The following SUMF1 variants were observed in gnomAD, a reference collection of about 807,000 sequenced individuals.
SUMF1 encodes formylglycine-generating enzyme.
A neutral mutation model predicts 47.6 loss-of-function variants in SUMF1; 48 were observed. The ratio of observed to expected loss-of-function variants is 1.01; its 90% CI spans 0.80 to 1.28. SUMF1 has a LOEUF of 1.28. Among genes scored for constraint, SUMF1 ranks in the 50% most tolerant of loss-of-function variants. The probability of loss-of-function intolerance (pLI) is 0.00; values close to 1 mark genes in which losing one functional copy is unlikely to be tolerated. For missense variants in SUMF1, 571 were observed against 485.4 expected (o/e 1.18, Z -1.66); for synonymous variants, 230 against 192.1 (o/e 1.20, Z -1.63).
intron 8 of SUMF1, among the ~76,000 whole-genome samples, chr3:4,087,674 T>C (rs1426986743): frequency 6.6e-6 from 1 of 151,800 alleles, no homozygotes; most frequent in African/African-American, 2.4e-5. Flanking sequence ...CAGCCCCCAA[T>C]AGCAATCAAA....
At chr3:4,205,029 G>A in intron 8 of SUMF1, among the ~76,000 whole-genome samples, 1 of 152,126 alleles carries the variant, frequency 6.6e-6, no homozygotes, top group East Asian at 1.9e-4. Context: ...AGGCCTCTGA[G>A]CCCAAGCTAA....
At chr3:4,212,578 G>C (rs951046869) in intron 8 of SUMF1, among the ~76,000 whole-genome samples, 1 of 152,168 alleles carries the variant, frequency 6.6e-6, no homozygotes, top group Non-Finnish European at 1.5e-5. Context: ...ATTGACAGAA[G>C]TAAGCTTTAG....
chr3:4,253,869 C>A (rs921210765), intron 8 of SUMF1, among the ~76,000 whole-genome samples: 6 of 149,860 alleles, frequency 4.0e-5, no homozygotes, highest in Non-Finnish European at 8.9e-5. Flanking sequence ...CCCTGTCTGA[C>A]AGCTTTGAAG....
At chr3:4,213,664 T>C (rs941281829) in intron 8 of SUMF1, among the ~76,000 whole-genome samples, 5 of 152,046 alleles carry the variant, frequency 3.3e-5, no homozygotes, top group East Asian at 3.9e-4. Context: ...TTCAGGAGGC[T>C]CATCTCATGT....
intron 8 of SUMF1, among the ~76,000 whole-genome samples, chr3:4,246,109 A>G (rs986331595): frequency 7.2e-5 from 11 of 152,176 alleles, no homozygotes; most frequent in African/African-American, 2.7e-4. Flanking sequence ...TGTGAAGAAC[A>G]TGAGAAAAGT....
intron 8 of SUMF1, among the ~76,000 whole-genome samples, chr3:4,249,500 T>C (rs925378090): frequency 6.6e-6 from 1 of 152,192 alleles, no homozygotes; most frequent in East Asian, 1.9e-4. Flanking sequence ...GATGTTACTA[T>C]TGTAACTGTT....
At chr3:4,454,617 C>T (rs1031002282) in intron 1 of SUMF1, among the ~76,000 whole-genome samples, 1 of 152,130 alleles carries the variant, frequency 6.6e-6, no homozygotes, top group African/African-American at 2.4e-5. Context: ...CATGTAAAAA[C>T]TTGTACAAAA....
At chr3:4,230,657 C>T (rs916143508) in intron 8 of SUMF1, among the ~76,000 whole-genome samples, 3 of 152,020 alleles carry the variant, frequency 2.0e-5, no homozygotes, top group Non-Finnish European at 4.4e-5. Flanking sequence ...AAATCATTGC[C>T]CGCTGGTGAT....
intron 8 of SUMF1, among the ~76,000 whole-genome samples, chr3:4,263,788 T>C (rs1444779495): frequency 6.6e-6 from 1 of 152,224 alleles, no homozygotes; most frequent in Non-Finnish European, 1.5e-5. Flanking sequence ...TATTCCATTC[T>C]GCCTTAAATT....
chr3:4,213,075 C>A lies in SUMF1; in HGVS notation c.1015-144330G>T, dbSNP rs113376182. On this transcript the variant is annotated intron_variant and NMD_transcript_variant, in intron 8 of 12. Transcript: ENST00000448413. The stretch of plus-strand genomic sequence containing the variant: ...AAATACAGAGAACACCACAAAGATA[C>A]TCCTCAAGAAGAGCAACCCCAAGAC... Among the ~76,000 whole-genome samples the A allele has an allele frequency of 5.3e-3, 805 of 152,238 alleles. 10 individuals carry two copies. Among genetic ancestry groups the A allele is most frequent in the African/African-American group, 0.018 (760 of 41,546 alleles).
At chr3:4,178,700 G>A (rs931907326) in intron 8 of SUMF1, among the ~76,000 whole-genome samples, 2 of 152,118 alleles carry the variant, frequency 1.3e-5, no homozygotes, top group Admixed American at 6.6e-5. Flanking sequence ...GGGCAATCAG[G>A]CAAGAGAAAG....
chr3:4,409,541 C>G (rs952034691), intron 7 of SUMF1, among the ~76,000 whole-genome samples: 1 of 152,166 alleles, frequency 6.6e-6, no homozygotes, highest in African/African-American at 2.4e-5. Context: ...TTGTGCACCC[C>G]CTTCCAAGCA....
At chr3:4,206,233 G>A (rs964614961) in intron 8 of SUMF1, among the ~76,000 whole-genome samples, 2 of 151,706 alleles carry the variant, frequency 1.3e-5, no homozygotes, top group African/African-American at 4.8e-5. Context: ...TTGGGGAAGG[G>A]TGACACAAAC....
intron 8 of SUMF1, among the ~76,000 whole-genome samples, chr3:4,180,683 A>AACACACACACACAGACACACACACAC (rs1553606609): frequency 7.2e-6 from 1 of 139,642 alleles, no homozygotes; most frequent in Non-Finnish European, 1.5e-5. Flanking sequence ...CCTAGAACTT[A>AACACACACACACAGACACACACACAC]ACACACACAC....
At chr3:4,092,344 A>G (rs1692806205) in intron 8 of SUMF1, among the ~76,000 whole-genome samples, 1 of 152,120 alleles carries the variant, frequency 6.6e-6, no homozygotes, top group Non-Finnish European at 1.5e-5. Context: ...GGAGATTTGG[A>G]GCAAGGCAAG....
At chr3:4,143,207 G>C (rs1282809055) in intron 8 of SUMF1, among the ~76,000 whole-genome samples, 1 of 152,128 alleles carries the variant, frequency 6.6e-6, no homozygotes, top group Non-Finnish European at 1.5e-5. Flanking sequence ...TACACAGTTA[G>C]ATATTCATTA....
chr3:4,457,453 C>T (rs2125154463), intron 1 of SUMF1, among the ~76,000 whole-genome samples: 1 of 151,930 alleles, frequency 6.6e-6, no homozygotes, highest in African/African-American at 2.4e-5. Context: ...CAATTTTGAG[C>T]AAAAAGAACA....
intron 6 of SUMF1, among the ~76,000 whole-genome samples, chr3:4,413,092 C>T (rs1484280670): frequency 6.6e-5 from 10 of 152,016 alleles, no homozygotes; most frequent in Non-Finnish European, 8.8e-5. Context: ...GCAACCTCAA[C>T]GTCCCAGGCT....
chr3:4,123,009 C>T (rs753111598), intron 8 of SUMF1, among the ~76,000 whole-genome samples: 2 of 152,106 alleles, frequency 1.3e-5, no homozygotes, highest in African/African-American at 2.4e-5. Context: ...TACCAGGCAT[C>T]GTTCTATACT....
Sources: gnomAD v4.1 joint callset for allele counts (sites outside exome capture counted in the v4.1 genomes callset) on GRCh38, gnomAD v4.1.1 for gene constraint, MANE v1.5 for transcripts, NCBI Gene and HGNC (gene_info 2026-07-23, HGNC 2026-07-21) for gene names.